MBP: variants seen among roughly 807,000 people sequenced by gnomAD.
The protein encoded by MBP is Golli-MBP.
MBP carries 16 observed loss-of-function variants against 35.8 expected under a neutral mutation model. That is an observed-to-expected ratio of 0.45 (90% CI 0.30 to 0.68). MBP has a LOEUF of 0.68. Ranked by LOEUF, MBP falls within the 30% of genes least tolerant of loss-of-function variation. MBP has a pLI of 0.08. For synonymous variants in MBP, 143 were observed against 159.6 expected (o/e 0.90, Z 0.78); for missense variants, 380 against 404.7 (o/e 0.94, Z 0.52).
At chr18:77,104,783 T>C (rs1355513571) in intron 2 of MBP, among the ~76,000 whole-genome samples, 1 of 152,142 alleles carries the variant, frequency 6.6e-6, no homozygotes, top group African/African-American at 2.4e-5. Context: ...GAATTTACAA[T>C]CTCTTTCCTC....
At chr18:77,125,721 T>C (rs1289308406) in intron 1 of MBP, among the ~76,000 whole-genome samples, 1 of 152,188 alleles carries the variant, frequency 6.6e-6, no homozygotes, top group East Asian at 1.9e-4. Flanking sequence ...GCCCTACTCA[T>C]GGGGAATTAG....
intron 4 of MBP, chr18:77,009,782 G>T: frequency 1.4e-6 from 2 of 1,389,770 alleles, no homozygotes; most frequent in Non-Finnish European, 2.0e-6. Flanking sequence ...GAGGGACAGT[G>T]GCTGAGAGCT....
At chr18:76,993,128 C>T (rs1191530646) in intron 4 of MBP, among the ~76,000 whole-genome samples, 1 of 152,266 alleles carries the variant, frequency 6.6e-6, no homozygotes, top group African/African-American at 2.4e-5. Flanking sequence ...TTGTCCTTCT[C>T]TGCACTGGGC....
intron 1 of MBP, chr18:77,109,183 T>C (rs1385272891): frequency 1.3e-5 from 2 of 152,154 alleles, no homozygotes; most frequent in African/African-American, 4.8e-5. Context: ...CTACTTACTA[T>C]CACACATGTT....
At chr18:77,094,539 A>G (rs1975679616) in intron 2 of MBP, among the ~76,000 whole-genome samples, 1 of 152,238 alleles carries the variant, frequency 6.6e-6, no homozygotes, top group Non-Finnish European at 1.5e-5. Context: ...AGGTGAGCAC[A>G]GGAGAGCTTA....
intron 8 of MBP, chr18:76,980,778 C>T (rs1599446548): frequency 2.9e-6 from 1 of 345,132 alleles, no homozygotes; most frequent in East Asian, 5.6e-5. Context: ...AAAGTGCAGC[C>T]GCTCCATTGC....
At chr18:76,986,636 A>G in intron 7 of MBP, 2 of 985,502 alleles carry the variant, frequency 2.0e-6, no homozygotes, top group Non-Finnish European at 2.4e-6. Flanking sequence ...ACACGAGGGG[A>G]CAGCCAGCCT....
At chr18:77,110,323 GC>G (rs1330362980) in intron 1 of MBP, 2 of 152,216 alleles carry the variant, frequency 1.3e-5, no homozygotes, top group East Asian at 3.8e-4. Context: ...GTGGGGACCG[GC>G]CATCAGCACC....
intron 1 of MBP, chr18:77,110,009 T>A (rs894846668): frequency 6.6e-6 from 1 of 152,248 alleles, no homozygotes; most frequent in Non-Finnish European, 1.5e-5. Context: ...GGATTTATTT[T>A]ACAATGATTT....
chr18:77,094,552 T>C (rs1216524386), intron 2 of MBP, among the ~76,000 whole-genome samples: 2 of 152,234 alleles, frequency 1.3e-5, no homozygotes, highest in African/African-American at 4.8e-5. Flanking sequence ...AGAGCTTACT[T>C]GTACATTTGT....
intron 4 of MBP, chr18:77,010,046 T>G (rs1599054540): frequency 1.2e-5 from 8 of 692,826 alleles, no homozygotes; most frequent in Non-Finnish European, 1.8e-5. Flanking sequence ...TGAGGAGGAG[T>G]GAGCGGGGGG....
intron 2 of MBP, among the ~76,000 whole-genome samples, chr18:77,070,776 G>A (rs964740617): frequency 2.6e-5 from 4 of 152,128 alleles, no homozygotes; most frequent in Admixed American, 6.6e-5. Flanking sequence ...TTGTGGAAGC[G>A]CAATTCAGTT....
At chr18:77,008,850 C>T (rs894779591) in intron 4 of MBP, among the ~76,000 whole-genome samples, 1 of 152,226 alleles carries the variant, frequency 6.6e-6, no homozygotes, top group African/African-American at 2.4e-5. Context: ...TTCAGGGCCT[C>T]CAAGTTTTGG....
chr18:76,984,734 C>T (rs1969436719), intron 8 of MBP, 41 bp downstream of exon 8: 1 of 1,613,172 alleles, frequency 6.2e-7, no homozygotes, highest in South Asian at 1.1e-5. Flanking sequence ...TCTGGGAGCC[C>T]TTAGTCCCCG....
chr18:77,121,318 A>AT (rs1170541079), intron 1 of MBP, among the ~76,000 whole-genome samples: 1 of 141,944 alleles, frequency 7.0e-6, no homozygotes, highest in Admixed American at 7.8e-5. Flanking sequence ...TCAAAAAAAA[A>AT]AAAATAAATA....
chr18:77,122,318 G>A (rs937778679), intron 1 of MBP, among the ~76,000 whole-genome samples: 5 of 152,174 alleles, frequency 3.3e-5, no homozygotes, highest in African/African-American at 9.7e-5. Flanking sequence ...TGCAAGGAAG[G>A]AGACAGCTGA....
intron 4 of MBP, among the ~76,000 whole-genome samples, chr18:77,002,287 G>A (rs185845678): frequency 1.5e-4 from 23 of 152,324 alleles, no homozygotes; most frequent in Admixed American, 5.9e-4. Context: ...ATCAGCACTC[G>A]GCTGTGGAGC....
At chr18:77,100,943 A>T (rs190416905) in intron 2 of MBP, among the ~76,000 whole-genome samples, 110 of 152,268 alleles carry the variant, frequency 7.2e-4, no homozygotes, top group African/African-American at 2.4e-3. Context: ...AGCTCAGCAG[A>T]TCCACAGCAT....
rs74182681 is a variant in MBP, at chr18:77,044,018, G to GCTCTCTGC, written c.139+22272_139+22279dup. Among the ~76,000 whole-genome samples, 114 of 112,238 alleles carry GCTCTCTGC rather than the reference G, an allele frequency of 1.0e-3. 1 individual carries two copies. The East Asian group carries it at 0.018, about 17-fold the overall frequency. The allele number at this position is 112,238 out of a possible 152,430, so 73.6% of individuals were successfully genotyped here. Reference sequence around the variant, plus strand: ...TGATTTCTGCGTTTTTGATCCTGAGGCTCTCTGCCTCTCTGCCTCCTCCCT... The same window carrying GCTCTCTGC: ...TGATTTCTGCGTTTTTGATCCTGAGGCTCTCTGCCTCTCTGCCTCTCTGCCTCCTCCCT... On this transcript the variant is annotated intron_variant, in intron 3 of 8. Transcript: ENST00000355994. This position sits in a 1 kb window ranked among gnomAD's most constrained non-coding sequence, Gnocchi z 4.4.
Sources: allele counts gnomAD v4.1 joint callset (sites outside exome capture counted in the v4.1 genomes callset), GRCh38; gene constraint gnomAD v4.1.1; non-coding constraint Gnocchi (gnomAD v3.1); transcripts MANE v1.5; gene names NCBI Gene and HGNC (gene_info 2026-07-23, HGNC 2026-07-21).